PPP1R3D: variants seen among roughly 807,000 people sequenced by gnomAD.
The protein encoded by PPP1R3D is PP1 subunit R6.
PPP1R3D carries 27 observed loss-of-function variants against 16.3 expected under a neutral mutation model. The observed-to-expected ratio is 1.66, with a 90% CI of 1.22 to 2.29. The LOEUF (loss-of-function observed/expected upper bound fraction) is 2.29, where lower values mean the gene tolerates loss of function less well. PPP1R3D is among the 30% of genes most tolerant of loss of function. PPP1R3D has a pLI of 0.00. For synonymous variants in PPP1R3D, 223 were observed against 209.7 expected (o/e 1.06, Z -0.55); for missense variants, 472 against 438.3 (o/e 1.08, Z -0.69).
chr20:59,940,029 G>T lies in PPP1R3D; in HGVS notation c.-98C>A. ...GCTCAGAAGCCGCAGAGAGTCCACC[G>T]TATCTGCAACCTGCGGGGGACCTCT... is the stretch of plus-strand genomic sequence containing the variant. On this transcript the variant is annotated 5_prime_UTR_variant, in exon 1 of 1. Transcript: ENST00000370996. 1 of 1,052,844 alleles carries T rather than the reference G, an allele frequency of 9.5e-7. No homozygotes were observed. Among genetic ancestry groups the T allele is most frequent in the Non-Finnish European group, 1.2e-6 (1 of 813,150 alleles). 65.2% of individuals were successfully genotyped at this position (1,052,844 alleles called of 1,614,324 possible).
rs1419562907 is a variant in PPP1R3D at position 59,940,024 on chromosome 20, C to A, written c.-93G>T. The A allele has an allele frequency of 7.4e-6, 8 of 1,080,146 alleles. No homozygotes were observed. The highest frequency in any genetic ancestry group is 9.5e-6 in the Non-Finnish European group (8 of 838,038). The allele number at this position is 1,080,146 out of a possible 1,614,324, so 66.9% of individuals were successfully genotyped here. On this transcript the variant is annotated 5_prime_UTR_variant, in exon 1 of 1. Transcript: ENST00000370996. ...TCCGTGCTCAGAAGCCGCAGAGAGTCCACCGTATCTGCAACCTGCGGGGGA... is the reference window on the plus strand; with the variant it reads ...TCCGTGCTCAGAAGCCGCAGAGAGTACACCGTATCTGCAACCTGCGGGGGA...
chr20:59,939,470 G>A lies in PPP1R3D; in HGVS notation c.462C>T (p.Cys154=), dbSNP rs1242950654. The A allele has an allele frequency of 1.2e-6, 2 of 1,612,098 alleles. No individual in the cohort carries two copies. The highest frequency in any genetic ancestry group is 1.3e-5 in the African/African-American group (1 of 75,052). The change falls in exon 1 of 1, where the codon TGC becomes TGT. Residue 154 remains cysteine (C), a synonymous_variant. Transcript: ENST00000370996. ...CGGGCGGCGGGAAATCGGGCACCAG[G>A]CAATGCAGGGTGAACTCCAGGTCCT... The part of the protein sequence containing the change: ...SSQDLEFTLH[C]LVPDFPPPVE...
At position 59,939,266 on chromosome 20, in the gene PPP1R3D, C is replaced by T. The variant is rs1222188796; in HGVS notation, c.666G>A (p.Arg222=). ...CCTCGGGGCCTGCGGGCCCGCGCCA[C>T]CGCGCCACCGCCTCGTGGGTACTGC... The part of the protein sequence containing the change: ...GWRSTHEAVA[R]WRGPAGPEGT... Residue 222 remains arginine, a synonymous_variant, in exon 1 of 1, where the codon CGG becomes CGA. Transcript: ENST00000370996. 1 of 1,612,086 alleles carries T rather than the reference C, an allele frequency of 6.2e-7. No homozygotes were observed. Among genetic ancestry groups the T allele is most frequent in the East Asian group, 2.2e-5 (1 of 44,828 alleles).
Position 59,939,404 on chromosome 20 carries a change from G to A in PPP1R3D, c.528C>T (p.Leu176=), listed in dbSNP as rs1316159292. 5 of 1,610,502 alleles carry A rather than the reference G, an allele frequency of 3.1e-6. No homozygotes were observed. Among genetic ancestry groups the A allele is most frequent in the East Asian group, 2.2e-5 (1 of 44,866 alleles). The change falls in exon 1 of 1, where the codon CTC becomes CTT. Residue 176 remains leucine, a synonymous_variant. Transcript: ENST00000370996. The stretch of plus-strand genomic sequence containing the variant: ...AGCAAGTGACACGCTCCAGGCACAC[G>A]AGCTGCCGCTGCAGGCGCTCGCCAA... ...ADFGERLQRQ[L]VCLERVTCSD...
chr20:59,939,788 G>A lies in PPP1R3D; in HGVS notation c.144C>T (p.Gly48=). Reference sequence around the variant, plus strand: ...GCGCTGGCGTTGGCGGCGGCGCGCGGCCCGGGCTCCCAGGGGGCCTACAGG... The same window carrying A: ...GCGCTGGCGTTGGCGGCGGCGCGCGACCCGGGCTCCCAGGGGGCCTACAGG... ...PRACRPPGSP[G]RAPPPTPAPS... Residue 48 remains glycine, a synonymous_variant, in exon 1 of 1, where the codon GGC becomes GGT. Coordinates refer to ENST00000370996, the MANE Select transcript of PPP1R3D (RefSeq NM_006242.4). 8.2e-7 allele frequency: 1 copy of A among 1,226,854 alleles called. No individual in the cohort carries two copies. Among genetic ancestry groups the A allele is most frequent in the Non-Finnish European group, 1.0e-6 (1 of 984,884 alleles). 76.0% of individuals were successfully genotyped at this position (1,226,854 alleles called of 1,614,324 possible).
Position 59,939,908 on chromosome 20 carries a change from C to G in PPP1R3D, c.24G>C (p.Ala8=). The G allele has an allele frequency of 8.0e-7, 1 of 1,254,942 alleles. No homozygotes were observed. Among genetic ancestry groups the G allele is most frequent in the Non-Finnish European group, 1.0e-6 (1 of 994,820 alleles). 77.7% of individuals were successfully genotyped at this position (1,254,942 alleles called of 1,614,324 possible). ...GGGATCCCAGGGCGCTAGGCAGGACCGCGGAGCTCGGGCCTCTGGACATGG... is the reference window on the plus strand; with the variant it reads ...GGGATCCCAGGGCGCTAGGCAGGACGGCGGAGCTCGGGCCTCTGGACATGG... MSRGPSS[A]VLPSALGSRK... The change falls in exon 1 of 1, where the codon GCG becomes GCC. Residue 8 remains alanine, a synonymous_variant. Coordinates refer to ENST00000370996, the MANE Select transcript of PPP1R3D (RefSeq NM_006242.4).
rs1163473303 is a variant in PPP1R3D at position 59,938,364 on chromosome 20, A to T, written c.*668T>A. The T allele has an allele frequency of 6.6e-6, 1 of 152,244 alleles. No individual in the cohort carries two copies. Among genetic ancestry groups the T allele is most frequent in the Non-Finnish European group, 1.5e-5 (1 of 68,038 alleles). 9.4% of individuals were successfully genotyped at this position (152,244 alleles called of 1,614,324 possible). On this transcript the variant is annotated 3_prime_UTR_variant, in exon 1 of 1. Coordinates refer to ENST00000370996, the MANE Select transcript of PPP1R3D (RefSeq NM_006242.4). Reference sequence around the variant, plus strand: ...AGGAGACACACAGCCTAACCAGGACAGTCTCAATGCCCAGGAATGGTTGTG... The same window carrying T: ...AGGAGACACACAGCCTAACCAGGACTGTCTCAATGCCCAGGAATGGTTGTG...
rs1022486642 is a variant in PPP1R3D, at chr20:59,939,839, G to A, written c.93C>T (p.Asp31=). The change falls in exon 1 of 1, where the codon GAC becomes GAT. Residue 31 remains aspartate (D), a synonymous_variant. Transcript: ENST00000370996. ...PRSLSCLSDL[D]GGVALEPRAC... ...CCCGCGGCTCCAGGGCCACGCCGCC[G>A]TCCAGGTCCGACAGGCAGCTGAGGC... 11 of 1,241,660 alleles carry A rather than the reference G, an allele frequency of 8.9e-6. No homozygotes were observed. In the African/African-American group the frequency reaches 1.6e-4, roughly 18 times the overall value. 76.9% of individuals were successfully genotyped at this position (1,241,660 alleles called of 1,614,324 possible).
chr20:59,938,810 T>A lies in PPP1R3D; in HGVS notation c.*222A>T. The A allele has an allele frequency of 2.1e-4, 63 of 304,852 alleles. No homozygotes were observed. Among genetic ancestry groups the A allele is most frequent in the Non-Finnish European group, 2.8e-4 (47 of 168,070 alleles). 18.9% of individuals were successfully genotyped at this position (304,852 alleles called of 1,614,324 possible). ...ACCCTGCCCCAACTCATTACACAAC[T>A]CGGCCTTCTGGCCACCTGAGGCTAC... On this transcript the variant is annotated 3_prime_UTR_variant, in exon 1 of 1. Transcript: ENST00000370996.
At position 59,939,244 on chromosome 20, in the gene PPP1R3D, C is replaced by T. The variant is rs749116001; in HGVS notation, c.688G>A (p.Glu230Lys). The change falls in exon 1 of 1, where the codon GAG (glutamate) becomes AAG (lysine). Residue 230 changes from glutamate to lysine, a missense_variant. Glu to Lys is a moderately conservative substitution (Grantham distance 56). Coordinates refer to ENST00000370996, the MANE Select transcript of PPP1R3D (RefSeq NM_006242.4). ...VARWRGPAGP[E>K]GTEDVFTFGF... ...AAGGTGAAAACGTCCTCCGTGCCCT[C>T]GGGGCCTGCGGGCCCGCGCCACCGC... 113 of 1,611,218 alleles carry T rather than the reference C, an allele frequency of 7.0e-5. No homozygotes were observed. The highest frequency in any genetic ancestry group is 9.3e-5 in the Non-Finnish European group (110 of 1,178,802).
At position 59,939,920 on chromosome 20, in the gene PPP1R3D, G is replaced by T; in HGVS notation, c.12C>A (p.Gly4=). 1 of 1,259,716 alleles carries T rather than the reference G, an allele frequency of 7.9e-7. No individual in the cohort carries two copies. Among genetic ancestry groups the T allele is most frequent in the Non-Finnish European group, 1.0e-6 (1 of 996,966 alleles). 78.0% of individuals were successfully genotyped at this position (1,259,716 alleles called of 1,614,324 possible). The part of the protein sequence containing the change: MSR[G]PSSAVLPSAL... ...CGCTAGGCAGGACCGCGGAGCTCGG[G>T]CCTCTGGACATGGCCCCGCCGGCCG... The change falls in exon 1 of 1, where the codon GGC becomes GGA. Residue 4 remains glycine (G), a synonymous_variant. Coordinates refer to ENST00000370996, the MANE Select transcript of PPP1R3D (RefSeq NM_006242.4).
rs2060865687 is a variant in PPP1R3D, at chr20:59,936,860, G to C, written c.*2172C>G. On this transcript the variant is annotated 3_prime_UTR_variant, in exon 1 of 1. Transcript: ENST00000370996. ...TTTTGCACATATACTTTAATACTTA[G>C]GCTTGGGTAAAATCATTTTAAATAA... 6.6e-6 allele frequency: 1 copy of C among 152,270 alleles called. No individual in the cohort carries two copies. Among genetic ancestry groups the C allele is most frequent in the Non-Finnish European group, 1.5e-5 (1 of 68,024 alleles). The allele number at this position is 152,270 out of a possible 1,614,324, so 9.4% of individuals were successfully genotyped here. A position where few individuals can be genotyped will look rare whatever the true frequency, so the allele number is the denominator to read the frequency against.
rs764814480 is a variant in PPP1R3D at position 59,939,523 on chromosome 20, T to G, written c.409A>C (p.Ile137Leu). 3.7e-6 allele frequency: 6 copies of G among 1,611,884 alleles called. No homozygotes were observed. The African/African-American group carries it at 8.0e-5, about 22-fold the overall frequency. Residue 137 changes from isoleucine to leucine, a missense_variant, in exon 1 of 1, where the codon ATC becomes CTC. By Grantham distance (5) the Ile-to-Leu change is conservative. Coordinates refer to ENST00000370996, the MANE Select transcript of PPP1R3D (RefSeq NM_006242.4). Reference sequence around the variant, plus strand: ...CTGCTGCAGCACAGGTCCGAGTTGATTGCGAGCCGCGACAGCACGTGCAGC... The same window carrying G: ...CTGCTGCAGCACAGGTCCGAGTTGAGTGCGAGCCGCGACAGCACGTGCAGC... ...VPLHVLSRLA[I>L]NSDLCCSSQD... is the part of the protein sequence containing the mutation.
chr20:59,937,957 A>C lies in PPP1R3D; in HGVS notation c.*1075T>G, dbSNP rs1379579407. 1 of 152,274 alleles carries C rather than the reference A, an allele frequency of 6.6e-6. No homozygotes were observed. Among genetic ancestry groups the C allele is most frequent in the East Asian group, 1.9e-4 (1 of 5,202 alleles). The allele number at this position is 152,274 out of a possible 1,614,324, so 9.4% of individuals were successfully genotyped here. ...TAAATACAGTTCAAAACAATTTAAA[A>C]GTATAAATATTTGTCAATTATTTTT... On this transcript the variant is annotated 3_prime_UTR_variant, in exon 1 of 1. Coordinates refer to ENST00000370996, the MANE Select transcript of PPP1R3D (RefSeq NM_006242.4).
Position 59,939,557 on chromosome 20 carries a change from C to A in PPP1R3D, c.375G>T (p.Pro125=). Residue 125 remains proline, a synonymous_variant, in exon 1 of 1, where the codon CCG becomes CCT. Coordinates refer to ENST00000370996, the MANE Select transcript of PPP1R3D (RefSeq NM_006242.4). ...QVKVFNAGDD[P]SVPLHVLSRL... is the part of the protein sequence containing the mutation. ...GCGACAGCACGTGCAGCGGCACGGA[C>A]GGGTCGTCTCCCGCGTTGAACACCT... The A allele has an allele frequency of 6.2e-7, 1 of 1,611,550 alleles. No homozygotes were observed. Among genetic ancestry groups the A allele is most frequent in the Non-Finnish European group, 8.5e-7 (1 of 1,179,406 alleles).
In PPP1R3D at chr20:59,937,164, C is replaced by G. The variant is rs2060867509; in HGVS notation, c.*1868G>C. 1.3e-5 allele frequency: 2 copies of G among 152,660 alleles called. No homozygotes were observed. The highest frequency in any genetic ancestry group is 2.4e-5 in the African/African-American group (1 of 41,452). 9.5% of individuals were successfully genotyped at this position (152,660 alleles called of 1,614,324 possible). On this transcript the variant is annotated 3_prime_UTR_variant, in exon 1 of 1. Coordinates refer to ENST00000370996, the MANE Select transcript of PPP1R3D (RefSeq NM_006242.4). The stretch of plus-strand genomic sequence containing the variant: ...ACTTTCACATAGATTATGAGATTCT[C>G]TACATGCCTTAAAATAAATCTGGCA...
rs971521009 is a variant in PPP1R3D at position 59,937,508 on chromosome 20, A to G, written c.*1524T>C. On this transcript the variant is annotated 3_prime_UTR_variant, in exon 1 of 1. Transcript: ENST00000370996. Reference sequence around the variant, plus strand: ...GCAATGATCAGAACCAAACTGGTTAAAAGCCGAAATGCATCCTTTCAGTAT... The same window carrying G: ...GCAATGATCAGAACCAAACTGGTTAGAAGCCGAAATGCATCCTTTCAGTAT... 6.6e-6 allele frequency: 1 copy of G among 152,344 alleles called. No homozygotes were observed. Among genetic ancestry groups the G allele is most frequent in the Non-Finnish European group, 1.5e-5 (1 of 68,034 alleles). 9.4% of individuals were successfully genotyped at this position (152,344 alleles called of 1,614,324 possible). A position where few individuals can be genotyped will look rare whatever the true frequency, so the allele number is the denominator to read the frequency against.
Position 59,939,777 on chromosome 20 carries a change from G to T in PPP1R3D, c.155C>A (p.Pro52Gln). 2 of 1,223,824 alleles carry T rather than the reference G, an allele frequency of 1.6e-6. No individual in the cohort carries two copies. Among genetic ancestry groups the T allele is most frequent in the South Asian group, 4.1e-5 (1 of 24,368 alleles). The allele number at this position is 1,223,824 out of a possible 1,614,324, so 75.8% of individuals were successfully genotyped here. The change falls in exon 1 of 1, where the codon CCG (proline) becomes CAG (glutamine). Residue 52 changes from proline (P) to glutamine (Q), a missense_variant. Pro to Gln is a moderately conservative substitution (Grantham distance 76, BLOSUM62 -1). Transcript: ENST00000370996. ...GCAGCCCGACGGCGCTGGCGTTGGCGGCGGCGCGCGGCCCGGGCTCCCAGG... is the reference window on the plus strand; with the variant it reads ...GCAGCCCGACGGCGCTGGCGTTGGCTGCGGCGCGCGGCCCGGGCTCCCAGG... ...RPPGSPGRAP[P>Q]PTPAPSGCDP...
Position 59,939,903 on chromosome 20 carries a change from A to G in PPP1R3D, c.29T>C (p.Leu10Pro). The change falls in exon 1 of 1, where the codon CTG becomes CCG. Residue 10 changes from leucine to proline, a missense_variant. Coordinates refer to ENST00000370996, the MANE Select transcript of PPP1R3D (RefSeq NM_006242.4). ...CTTCCGGGATCCCAGGGCGCTAGGC[A>G]GGACCGCGGAGCTCGGGCCTCTGGA... The part of the protein sequence containing the change: MSRGPSSAV[L>P]PSALGSRKLG... 2 of 1,253,098 alleles carry G rather than the reference A, an allele frequency of 1.6e-6. No individual in the cohort carries two copies. Among genetic ancestry groups the G allele is most frequent in the Non-Finnish European group, 2.0e-6 (2 of 993,978 alleles). The allele number at this position is 1,253,098 out of a possible 1,614,324, so 77.6% of individuals were successfully genotyped here.
Sources: allele counts gnomAD v4.1 joint callset, GRCh38; gene constraint gnomAD v4.1.1; transcripts MANE v1.5; gene names NCBI Gene and HGNC (gene_info 2026-07-23, HGNC 2026-07-21).